The following FRY variants were observed in gnomAD, a reference collection of about 807,000 sequenced individuals.
FRY encodes protein furry homolog.
FRY carries 128 observed loss-of-function variants against 348.4 expected under a neutral mutation model. The observed-to-expected ratio is 0.37, with a 90% CI of 0.32 to 0.43. The LOEUF is 0.43. FRY is among the 20% of genes least tolerant of loss of function. The pLI is 1.00. For synonymous variants in FRY, 1,370 were observed against 1,374.7 expected, an observed-to-expected ratio of 1.00 and a Z score of 0.08; for missense variants, 2,736 against 3,695.2, an observed-to-expected ratio of 0.74 and a Z score of 6.73.
chr13:32,277,899 T>A (rs1888613609), intron 57 of FRY, among the ~76,000 whole-genome samples: 1 of 152,240 alleles, frequency 6.6e-6, no homozygotes, highest in African/African-American at 2.4e-5. Context: ...TCAGTGCTCA[T>A]TGTTTTCTGC....
At chr13:32,148,482 A>G (rs1034707653) in intron 13 of FRY, among the ~76,000 whole-genome samples, 5 of 152,250 alleles carry the variant, frequency 3.3e-5, no homozygotes, top group African/African-American at 9.6e-5. Flanking sequence ...GTCCAGTAAT[A>G]TTAAACATAG....
At chr13:32,233,053 T>C (rs1886005515) in intron 41 of FRY, among the ~76,000 whole-genome samples, 1 of 152,086 alleles carries the variant, frequency 6.6e-6, no homozygotes, top group African/African-American at 2.4e-5. Flanking sequence ...ATAAACAAAA[T>C]AAAGACATAA....
At chr13:32,044,989 T>G (rs913834639) in intron 1 of FRY, among the ~76,000 whole-genome samples, 1 of 152,172 alleles carries the variant, frequency 6.6e-6, no homozygotes, top group Non-Finnish European at 1.5e-5. Flanking sequence ...ATGTTAATTG[T>G]GTATATGTGG....
At chr13:32,051,335 A>G (rs1041421428) in intron 1 of FRY, among the ~76,000 whole-genome samples, 2 of 152,200 alleles carry the variant, frequency 1.3e-5, no homozygotes, top group Non-Finnish European at 2.9e-5. Context: ...GAGAGGAAGA[A>G]GCAGAGGAAG....
intron 10 of FRY, among the ~76,000 whole-genome samples, chr13:32,136,620 A>G (rs1442311932): frequency 2.0e-5 from 3 of 152,244 alleles, no homozygotes; most frequent in Non-Finnish European, 4.4e-5. Flanking sequence ...ATTATTATAC[A>G]TGAAACTTCT....
At chr13:32,106,170 T>C (rs1877537349) in intron 3 of FRY, among the ~76,000 whole-genome samples, 1 of 148,376 alleles carries the variant, frequency 6.7e-6, no homozygotes, top group African/African-American at 2.4e-5. Context: ...ATTAATACAC[T>C]ATTATGTTAA....
At chr13:32,068,451 A>G (rs746992950) in intron 1 of FRY, among the ~76,000 whole-genome samples, 1 of 152,188 alleles carries the variant, frequency 6.6e-6, no homozygotes, top group African/African-American at 2.4e-5. Flanking sequence ...TCCTTTGCGC[A>G]CGGATCTTGG....
At chr13:32,208,121 C>A (rs573576457) in intron 31 of FRY, among the ~76,000 whole-genome samples, 1 of 152,352 alleles carries the variant, frequency 6.6e-6, no homozygotes, top group South Asian at 2.1e-4. Flanking sequence ...ACTGTTTGGA[C>A]TCACGTGTCT....
intron 3 of FRY, among the ~76,000 whole-genome samples, chr13:32,111,376 G>C (rs1200971994): frequency 6.6e-6 from 1 of 151,938 alleles, no homozygotes; most frequent in African/African-American, 2.4e-5. Context: ...TGTGCCTGTA[G>C]TCCCACCTAC....
chr13:32,097,941 A>G (rs1876859641), intron 2 of FRY, among the ~76,000 whole-genome samples: 1 of 151,604 alleles, frequency 6.6e-6, no homozygotes, highest in Non-Finnish European at 1.5e-5. Context: ...AATAAAGAGT[A>G]TTTTTAAAAA....
In FRY at chr13:32,277,863, T is replaced by C. The variant is rs73169152; in HGVS notation, c.8386-602T>C. 7.1e-3 allele frequency among the ~76,000 whole-genome samples: 1,085 copies of C among 152,360 alleles called. 6 individuals carry two copies. The highest frequency in any genetic ancestry group is 0.012 in the Admixed American group (184 of 15,302). ...CTGGTTGGTGAACTAATCTAGCCTT[T>C]AATGTCAAGTGTGAACTTCAGTTCC... On this transcript the variant is annotated intron_variant, in intron 57 of 60. Transcript: ENST00000542859.
intron 54 of FRY, 63 bp downstream of exon 54, chr13:32,265,679 C>A: frequency 6.7e-7 from 1 of 1,492,480 alleles, no homozygotes; most frequent in Non-Finnish European, 9.2e-7. Context: ...ATGGCATTCA[C>A]ACTCAAGTTA....
At chr13:32,246,552 C>A (rs1886813653) in intron 47 of FRY, among the ~76,000 whole-genome samples, 1 of 152,194 alleles carries the variant, frequency 6.6e-6, no homozygotes, top group Non-Finnish European at 1.5e-5. Context: ...GCAGGCCATG[C>A]TCAAAGAGTG....
chr13:32,115,045 A>G (rs1878214660), intron 3 of FRY, among the ~76,000 whole-genome samples: 1 of 152,216 alleles, frequency 6.6e-6, no homozygotes, highest in Non-Finnish European at 1.5e-5. Flanking sequence ...TTTACCTTAT[A>G]TTAACTCATA....
In FRY at chr13:32,239,116, G is replaced by A. The variant is rs1418142084; in HGVS notation, c.6419-136G>A. 1.1e-5 allele frequency: 8 copies of A among 700,858 alleles called. No homozygotes were observed. Among genetic ancestry groups the A allele is most frequent in the Non-Finnish European group, 2.1e-5 (8 of 382,278 alleles). 43.4% of individuals were successfully genotyped at this position (700,858 alleles called of 1,614,324 possible). A position where few individuals can be genotyped will look rare whatever the true frequency, so the allele number is the denominator to read the frequency against. On this transcript the variant is annotated intron_variant, in intron 44 of 60. Coordinates refer to ENST00000542859, the MANE Select transcript of FRY (RefSeq NM_023037.3). The surrounding 1 kb of genome is among the most constrained non-coding windows in gnomAD (Gnocchi z 4.3). ...GTTGTGCATTTTTCATAGATTTTGT[G>A]TTAGATCATGTTTAAGCTGATTCAA...
chr13:32,215,494 C>G (rs9525965), intron 35 of FRY, among the ~76,000 whole-genome samples: 4 of 152,116 alleles, frequency 2.6e-5, no homozygotes. Flanking sequence ...GTTTATTTTA[C>G]TAGGCATCAA....
At chr13:32,238,299 AAT>A (rs976907551) in intron 44 of FRY, among the ~76,000 whole-genome samples, 8 of 84,410 alleles carry the variant, frequency 9.5e-5, no homozygotes, top group East Asian at 8.7e-4. Context: ...AGAAAAAAAA[AAT>A]TTTTTTTTCT....
At chr13:32,074,878 C>T (rs1323564530) in intron 1 of FRY, among the ~76,000 whole-genome samples, 2 of 152,256 alleles carry the variant, frequency 1.3e-5, no homozygotes, top group Non-Finnish European at 2.9e-5. Context: ...CTGGATGGCA[C>T]TGGCAGGCAG....
rs1230007384 is a variant in FRY, at chr13:32,209,608, A to G, written c.4299A>G (p.Pro1433=). 6.2e-7 allele frequency: 1 copy of G among 1,614,144 alleles called. No individual in the cohort carries two copies. The highest frequency in any genetic ancestry group is 8.5e-7 in the Non-Finnish European group (1 of 1,180,010). ...TAKYGDEVPG[P]EMENAWNALA... ...AGTATGGAGATGAAGTTCCTGGGCC[A>G]GAAATGGAAAATGCTTGGAATGCTT... is the stretch of plus-strand genomic sequence containing the variant. Residue 1433 remains proline (P), a synonymous_variant, in exon 33 of 61, where the codon CCA becomes CCG. Coordinates refer to ENST00000542859, the MANE Select transcript of FRY (RefSeq NM_023037.3).
Sources: gnomAD v4.1 joint callset for allele counts (sites outside exome capture counted in the v4.1 genomes callset) on GRCh38, gnomAD v4.1.1 for gene constraint, Gnocchi (gnomAD v3.1) non-coding constraint, MANE v1.5 for transcripts, NCBI Gene and HGNC (gene_info 2026-07-23, HGNC 2026-07-21) for gene names.